The following CPD variants were observed in gnomAD, a reference collection of about 807,000 sequenced individuals.
The protein encoded by CPD is carboxypeptidase D.
CPD carries 69 observed loss-of-function variants against 138.3 expected under a neutral mutation model. The observed-to-expected ratio is 0.50, with a 90% CI of 0.41 to 0.61. The LOEUF is 0.61. Ranked by LOEUF, CPD falls within the 20% of genes least tolerant of loss-of-function variation. The pLI is 0.00. For synonymous variants in CPD, 651 were observed against 642.1 expected, an observed-to-expected ratio of 1.01 and a Z score of -0.21; for missense variants, 1,432 against 1,733.3, an observed-to-expected ratio of 0.83 and a Z score of 3.09.
chr17:30,379,046 G>T lies in CPD; in HGVS notation c.66G>T (p.Leu22=). The T allele has an allele frequency of 6.4e-7, 1 of 1,559,258 alleles. No individual in the cohort carries two copies. The stretch of plus-strand genomic sequence containing the variant: ...GGCGGCTCCTGTTGCTCATGTGCCT[G>T]CTGCTGCTGGGGAGCTCGGCCCGGG... ...RLGRLLLLMC[L]LLLGSSARAA... Residue 22 remains leucine (L), a synonymous_variant, in exon 1 of 21, where the codon CTG becomes CTT. Coordinates refer to ENST00000225719, the MANE Select transcript of CPD (RefSeq NM_001304.5). The surrounding 1 kb of genome is among the most constrained non-coding windows in gnomAD (Gnocchi z 7.0).
In CPD at chr17:30,379,212, G is replaced by T. The variant is rs1910972487; in HGVS notation, c.232G>T (p.Gly78Cys). Reference sequence around the variant, plus strand: ...GGAGGCGGCGGCCGCGGGCCTCCCCGGCCTGGCCCGCCTCTTTAGCATCGG... The same window carrying T: ...GGAGGCGGCGGCCGCGGGCCTCCCCTGCCTGGCCCGCCTCTTTAGCATCGG... Reference protein sequence around the residue: ...LREAAAAGLPGLARLFSIGRS... With the variant: ...LREAAAAGLPCLARLFSIGRS... Residue 78 changes from glycine to cysteine, a missense_variant, in exon 1 of 21, where the codon GGC becomes TGC. Around this residue, in one of 6 missense-constraint regions of CPD, gnomAD observed 484 missense variants for 477.2 expected, o/e 1.01. Transcript: ENST00000225719. The surrounding 1 kb of genome is among the most constrained non-coding windows in gnomAD (Gnocchi z 7.0). 6.5e-7 allele frequency: 1 copy of T among 1,528,938 alleles called. No homozygotes were observed. 94.7% of individuals were successfully genotyped at this position (1,528,938 alleles called of 1,614,324 possible). A position where few individuals can be genotyped will look rare whatever the true frequency, so the allele number is the denominator to read the frequency against.
chr17:30,395,724 T>TAAA lies in CPD; in HGVS notation c.994+10500_994+10502dup, dbSNP rs11383738. On this transcript the variant is annotated intron_variant, in intron 2 of 20. Coordinates refer to ENST00000225719, the MANE Select transcript of CPD (RefSeq NM_001304.5). ...GTGGTAGAGAATGGGAGAGTACATT[T>TAAA]AAAAAAAAAAAAAAGGAAAATACAG... Among the ~76,000 whole-genome samples the TAAA allele has an allele frequency of 6.3e-4, 92 of 145,130 alleles. 1 individual carries two copies. The highest frequency in any genetic ancestry group is 2.2e-3 in the African/African-American group (88 of 39,510).
At chr17:30,429,977 C>T (rs1912519054) in intron 7 of CPD, among the ~76,000 whole-genome samples, 1 of 152,130 alleles carries the variant, frequency 6.6e-6, no homozygotes, top group African/African-American at 2.4e-5. Context: ...CCTGCATCTG[C>T]TGTTTCTCAG....
At chr17:30,459,709 A>C (rs1251028498) in intron 17 of CPD, among the ~76,000 whole-genome samples, 1 of 151,964 alleles carries the variant, frequency 6.6e-6, no homozygotes, top group East Asian at 1.9e-4. Flanking sequence ...ATTTTGTTAG[A>C]TGTTGTGTTA....
rs1317267610 is a variant in CPD at position 30,464,762 on chromosome 17, TC to T, written c.4093del (p.Gln1365ArgfsTer59). ...GSKKSLLSHE[F>X]QDETDTEEET... Reference sequence around the variant, plus strand: ...AAGAAGTCCCTCCTAAGCCATGAGTTCCAGGATGAAACAGACACTGAAGAGG... The same window carrying T: ...AAGAAGTCCCTCCTAAGCCATGAGTTCAGGATGAAACAGACACTGAAGAGG... On this transcript the variant is annotated frameshift_variant, in exon 21 of 21. Transcript: ENST00000225719. LOFTEE classifies it high-confidence loss of function. The T allele has an allele frequency of 1.2e-6, 2 of 1,614,000 alleles. No individual in the cohort carries two copies. Among genetic ancestry groups the T allele is most frequent in the Non-Finnish European group, 1.7e-6 (2 of 1,179,906 alleles).
intron 14 of CPD, chr17:30,455,006 C>G (rs1008799674): frequency 1.2e-5 from 2 of 169,580 alleles, no homozygotes; most frequent in African/African-American, 2.4e-5. Flanking sequence ...GGGGTACAGC[C>G]AAACCATATC....
chr17:30,408,720 A>G (rs1190431117), intron 2 of CPD, among the ~76,000 whole-genome samples: 3 of 152,016 alleles, frequency 2.0e-5, no homozygotes, highest in Admixed American at 2.0e-4. Flanking sequence ...GAGACCATGG[A>G]GTTTTCTAAA....
intron 6 of CPD, among the ~76,000 whole-genome samples, chr17:30,423,952 T>C (rs1342383297): frequency 6.6e-6 from 1 of 152,214 alleles, no homozygotes; most frequent in Non-Finnish European, 1.5e-5. Context: ...TATAAGACTT[T>C]TATAAATTGT....
intron 7 of CPD, among the ~76,000 whole-genome samples, chr17:30,428,641 A>T (rs539935449): frequency 6.6e-6 from 1 of 152,294 alleles, no homozygotes; most frequent in African/African-American, 2.4e-5. Flanking sequence ...TTATATTTTT[A>T]TGAAATTTTT....
intron 2 of CPD, among the ~76,000 whole-genome samples, chr17:30,405,052 T>C (rs1007186501): frequency 1.3e-5 from 2 of 152,164 alleles, no homozygotes; most frequent in South Asian, 2.1e-4. Flanking sequence ...GTCTCTAAGA[T>C]GGGTCTCAAT....
At chr17:30,437,377 A>G (rs1912729941) in intron 8 of CPD, among the ~76,000 whole-genome samples, 1 of 152,130 alleles carries the variant, frequency 6.6e-6, no homozygotes, top group Non-Finnish European at 1.5e-5. Flanking sequence ...TAAGTTAAAA[A>G]AATGAGATCT....
intron 2 of CPD, among the ~76,000 whole-genome samples, chr17:30,396,865 CTT>C (rs889929107): frequency 1.3e-5 from 2 of 151,182 alleles, no homozygotes; most frequent in African/African-American, 4.9e-5. Context: ...CTCTCTCTCT[CTT>C]AATTTTTAGA....
Position 30,456,504 on chromosome 17 carries a change from A to T in CPD, c.3476A>T (p.His1159Leu), listed in dbSNP as rs1433383013. The T allele has an allele frequency of 3.7e-6, 6 of 1,614,138 alleles. No individual in the cohort carries two copies. Among genetic ancestry groups the T allele is most frequent in the African/African-American group, 1.3e-5 (1 of 75,042 alleles). ...PGGVMRGAEW[H>L]SHLGSMKDYS... Reference sequence around the variant, plus strand: ...GGAGTAATGCGTGGAGCAGAATGGCATAGTCACCTGGGCAGCATGAAGGTA... The same window carrying T: ...GGAGTAATGCGTGGAGCAGAATGGCTTAGTCACCTGGGCAGCATGAAGGTA... The change falls in exon 17 of 21, where the codon CAT becomes CTT. Residue 1159 changes from histidine (H) to leucine (L), a missense_variant. Around this residue, in one of 6 missense-constraint regions of CPD, gnomAD observed 366 missense variants for 518.8 expected, o/e 0.71. Transcript: ENST00000225719.
intron 2 of CPD, among the ~76,000 whole-genome samples, chr17:30,392,439 T>C (rs1190939024): frequency 6.6e-6 from 1 of 152,224 alleles, no homozygotes; most frequent in Non-Finnish European, 1.5e-5. Context: ...AACTTTTTTT[T>C]CTTACTTTTA....
rs576053338 is a variant in CPD at position 30,388,650 on chromosome 17, G to A, written c.994+3414G>A. Reference sequence around the variant, plus strand: ...AGGGGGGCCTAGGAGGTCGGGGGACGCAGCTGCTGCCAGCTCCCAGCTCCC... The same window carrying A: ...AGGGGGGCCTAGGAGGTCGGGGGACACAGCTGCTGCCAGCTCCCAGCTCCC... On this transcript the variant is annotated intron_variant, in intron 2 of 20. Transcript: ENST00000225719. Among the ~76,000 whole-genome samples, 376 of 152,298 alleles carry A rather than the reference G, an allele frequency of 2.5e-3. 1 individual carries two copies. Among genetic ancestry groups the A allele is most frequent in the African/African-American group, 8.6e-3 (359 of 41,574 alleles).
rs756562942 is a variant in CPD at position 30,420,902 on chromosome 17, T to G, written c.1056T>G (p.Ser352=). 3.1e-6 allele frequency: 5 copies of G among 1,613,786 alleles called. No homozygotes were observed. The highest frequency in any genetic ancestry group is 4.2e-6 in the Non-Finnish European group (5 of 1,179,730). Reference sequence around the variant, plus strand: ...GTTTTGAGATCACATTAGAACTGTCTTGTTGCAAGTACCCACCTGCTTCAC... The same window carrying G: ...GTTTTGAGATCACATTAGAACTGTCGTGTTGCAAGTACCCACCTGCTTCAC... ...ANCFEITLEL[S]CCKYPPASQL... The change falls in exon 3 of 21, where the codon TCT becomes TCG. Residue 352 remains serine (S), a synonymous_variant. Coordinates refer to ENST00000225719, the MANE Select transcript of CPD (RefSeq NM_001304.5).
intron 2 of CPD, among the ~76,000 whole-genome samples, chr17:30,417,238 A>T (rs1001892940): frequency 3.3e-5 from 5 of 152,200 alleles, no homozygotes; most frequent in African/African-American, 1.2e-4. Context: ...TTTAAATTTT[A>T]AAAGAATGTT....
In CPD at chr17:30,429,914, C is replaced by G. The variant is rs185313371; in HGVS notation, c.2018-1858C>G. Among the ~76,000 whole-genome samples, 10 of 152,208 alleles carry G rather than the reference C, an allele frequency of 6.6e-5. No homozygotes were observed. In the East Asian group the frequency reaches 1.9e-3, roughly 29 times the overall value. On this transcript the variant is annotated intron_variant, in intron 7 of 20. Transcript: ENST00000225719. ...TGGTACCAGGAAGGTGCCTTTCTCA[C>G]GGGAAATTTATGCCCTAATTTTAGG... is the stretch of plus-strand genomic sequence containing the variant.
chr17:30,422,562 T>C, intron 4 of CPD, 112 bp from the exon 5 acceptor site: 1 of 672,950 alleles, frequency 1.5e-6, no homozygotes. Flanking sequence ...TTAGTTTGAG[T>C]TTTGATAGAT....
Sources: allele counts gnomAD v4.1 joint callset (sites outside exome capture counted in the v4.1 genomes callset), GRCh38; gene constraint gnomAD v4.1.1; regional missense constraint gnomAD v4.1.1; non-coding constraint Gnocchi (gnomAD v3.1); transcripts MANE v1.5; gene names NCBI Gene and HGNC (gene_info 2026-07-23, HGNC 2026-07-21).